The following TOLLIP variants were observed in gnomAD, a reference collection of about 807,000 sequenced individuals.
The protein encoded by TOLLIP is toll interacting protein, also known as toll-interacting protein.
Under a neutral mutation model 33.5 loss-of-function variants are expected in TOLLIP, and 16 were observed. That is an observed-to-expected ratio of 0.48 (90% CI 0.32 to 0.72). TOLLIP has a LOEUF of 0.72. Among genes scored for constraint, TOLLIP ranks in the 30% least tolerant of loss-of-function variants. TOLLIP has a pLI of 0.03. For missense variants in TOLLIP, 325 were observed against 396.6 expected (o/e 0.82, Z 1.53); for synonymous variants, 176 against 163.7 (o/e 1.07, Z -0.57).
At chr11:1,308,314 C>G (rs751224628) in intron 1 of TOLLIP, among the ~76,000 whole-genome samples, 50 of 152,324 alleles carry the variant, frequency 3.3e-4, no homozygotes, top group Middle Eastern at 3.4e-3. Flanking sequence ...TGGCACCTCC[C>G]CACCCCCAAC....
At chr11:1,286,145 G>A (rs1863685656) in intron 4 of TOLLIP, 53 bp from the exon 5 acceptor site, 1 of 1,406,032 alleles carries the variant, frequency 7.1e-7, no homozygotes, top group East Asian at 2.4e-5. Context: ...CCACCCATCA[G>A]AACCTCGGGA....
chr11:1,307,683 G>A (rs1864455065), intron 1 of TOLLIP, among the ~76,000 whole-genome samples: 1 of 152,240 alleles, frequency 6.6e-6, no homozygotes, highest in Non-Finnish European at 1.5e-5. Flanking sequence ...CTCCTGTTAG[G>A]CAGAAAGGAG....
At position 1,290,829 on chromosome 11, in the gene TOLLIP, G is replaced by A. The variant is rs1293939399; in HGVS notation, c.184-420C>T. 5.7e-5 allele frequency: 10 copies of A among 175,162 alleles called. No individual in the cohort carries two copies. Among genetic ancestry groups the A allele is most frequent in the Non-Finnish European group, 1.1e-4 (9 of 81,616 alleles). 10.9% of individuals were successfully genotyped at this position (175,162 alleles called of 1,614,324 possible). On this transcript the variant is annotated intron_variant, in intron 2 of 5. Coordinates refer to ENST00000317204, the MANE Select transcript of TOLLIP (RefSeq NM_019009.4). This position sits in a 1 kb window ranked among gnomAD's most constrained non-coding sequence, Gnocchi z 4.9. ...CTGCCCCCGGAGCATGATGACCCGG[G>A]AGAGGTGCATCCTCGCTCTAGGTGA...
intron 1 of TOLLIP, chr11:1,302,514 G>A (rs5743898): frequency 0.037 from 34,121 of 920,632 alleles, 732 homozygotes; most frequent in African/African-American, 0.093. Context: ...AATTCCCCAT[G>A]CCCACTCAGC....
In TOLLIP at chr11:1,309,491, G is replaced by A. The variant is rs745957373; in HGVS notation, c.8C>T (p.Thr3Ile). 16 of 1,340,248 alleles carry A rather than the reference G, an allele frequency of 1.2e-5. No individual in the cohort carries two copies. The highest frequency in any genetic ancestry group is 1.5e-5 in the African/African-American group (1 of 65,162). 83.0% of individuals were successfully genotyped at this position (1,340,248 alleles called of 1,614,324 possible). The change falls in exon 1 of 6, where the codon ACC becomes ATC. Residue 3 changes from threonine to isoleucine, a missense_variant. Coordinates refer to ENST00000317204, the MANE Select transcript of TOLLIP (RefSeq NM_019009.4). MA[T>I]TVSTQRGPVY... ...CGGCCCGCGCTGAGTGCTGACGGTGGTCGCCATGGTGCTGCGGCGGCCCCC... is the reference window on the plus strand; with the variant it reads ...CGGCCCGCGCTGAGTGCTGACGGTGATCGCCATGGTGCTGCGGCGGCCCCC...
intron 4 of TOLLIP, 72 bp from the exon 5 acceptor site, chr11:1,286,164 C>T (rs1863686515): frequency 1.5e-5 from 18 of 1,220,414 alleles, no homozygotes; most frequent in Non-Finnish European, 2.1e-5. Context: ...GAATCGCCCT[C>T]CCCACAATTG....
intron 4 of TOLLIP, among the ~76,000 whole-genome samples, chr11:1,288,420 A>G (rs1301815407): frequency 1.3e-5 from 2 of 152,200 alleles, no homozygotes; most frequent in Admixed American, 6.5e-5. Flanking sequence ...GACAGAGAAC[A>G]TGGGCAGGAG....
At chr11:1,297,591 G>A (rs978030704) in intron 1 of TOLLIP, among the ~76,000 whole-genome samples, 8 of 152,378 alleles carry the variant, frequency 5.3e-5, no homozygotes, top group Middle Eastern at 3.4e-3. Flanking sequence ...ACTTTACCCC[G>A]TTTTTGACTG....
intron 5 of TOLLIP, among the ~76,000 whole-genome samples, chr11:1,279,195 C>T (rs1047682225): frequency 6.6e-6 from 1 of 152,218 alleles, no homozygotes; most frequent in Admixed American, 6.5e-5. Context: ...GATGTGGCGC[C>T]GACTGGCCCT....
chr11:1,309,444 G>A (rs1387306503), intron 1 of TOLLIP, 22 bp downstream of exon 1: 26 of 1,287,978 alleles, frequency 2.0e-5, no homozygotes, highest in Non-Finnish European at 2.4e-5. Flanking sequence ...GCCCCCGCCC[G>A]ACCCTCGCCC....
chr11:1,305,156 T>C (rs1354022416), intron 1 of TOLLIP, among the ~76,000 whole-genome samples: 1 of 152,220 alleles, frequency 6.6e-6, no homozygotes, highest in Non-Finnish European at 1.5e-5. Context: ...AGTGAAAAGA[T>C]GTGATTTCCA....
intron 2 of TOLLIP, among the ~76,000 whole-genome samples, chr11:1,293,968 C>G (rs1051392767): frequency 6.6e-6 from 1 of 152,266 alleles, no homozygotes; most frequent in African/African-American, 2.4e-5. Context: ...TGTAGCTGTG[C>G]TCACCACACC....
intron 2 of TOLLIP, among the ~76,000 whole-genome samples, chr11:1,293,021 C>G (rs1443046325): frequency 6.6e-6 from 1 of 152,064 alleles, no homozygotes; most frequent in Non-Finnish European, 1.5e-5. Flanking sequence ...CTACTCTGGC[C>G]ACGCTGCAGG....
rs1318162397 is a variant in TOLLIP, at chr11:1,276,719, T to G, written c.*320A>C. ...AGGCGCTCCACCACCTCCAACACCC[T>G]GGCAGAAGCAGCTGCTCTCTACAGC... On this transcript the variant is annotated 3_prime_UTR_variant, in exon 6 of 6. Coordinates refer to ENST00000317204, the MANE Select transcript of TOLLIP (RefSeq NM_019009.4). The G allele has an allele frequency of 7.0e-6, 10 of 1,437,576 alleles. No individual in the cohort carries two copies. Among genetic ancestry groups the G allele is most frequent in the Non-Finnish European group, 9.2e-6 (10 of 1,083,902 alleles). The allele number at this position is 1,437,576 out of a possible 1,614,324, so 89.1% of individuals were successfully genotyped here.
chr11:1,307,629 G>T (rs1259409854), intron 1 of TOLLIP, among the ~76,000 whole-genome samples: 5 of 152,246 alleles, frequency 3.3e-5, no homozygotes, highest in African/African-American at 9.6e-5. Flanking sequence ...CTGCTCTCCA[G>T]GAGGACACAA....
chr11:1,308,718 C>A (rs757013337), intron 1 of TOLLIP, among the ~76,000 whole-genome samples: 2 of 152,260 alleles, frequency 1.3e-5, no homozygotes, highest in Non-Finnish European at 2.9e-5. Context: ...AGGTTTTGCA[C>A]GGTGGCCACT....
intron 1 of TOLLIP, among the ~76,000 whole-genome samples, chr11:1,297,056 A>G (rs1391082415): frequency 6.6e-6 from 1 of 152,034 alleles, no homozygotes; most frequent in African/African-American, 2.4e-5. Context: ...GTGGAGACCC[A>G]GCCGTCTGCA....
intron 1 of TOLLIP, among the ~76,000 whole-genome samples, chr11:1,300,284 C>T (rs1377352189): frequency 1.3e-5 from 2 of 152,082 alleles, no homozygotes; most frequent in Admixed American, 6.6e-5. Flanking sequence ...CCCCATGTGC[C>T]GCTCTCAGAG....
Position 1,277,153 on chromosome 11 carries a change from G to A in TOLLIP, c.711C>T (p.Ile237=), listed in dbSNP as rs1378528584. The part of the protein sequence containing the change: ...PRCSEEDLKA[I]QDMFPNMDQE... The stretch of plus-strand genomic sequence containing the variant: ...GGTCCATGTTGGGGAACATGTCCTG[G>A]ATGGCTTTCAGGTCCTCCTCGCTAC... The change falls in exon 6 of 6, where the codon ATC becomes ATT. Residue 237 remains isoleucine, a synonymous_variant. Coordinates refer to ENST00000317204, the MANE Select transcript of TOLLIP (RefSeq NM_019009.4). The surrounding 1 kb of genome is among the most constrained non-coding windows in gnomAD (Gnocchi z 4.2). 2 of 1,613,570 alleles carry A rather than the reference G, an allele frequency of 1.2e-6. No homozygotes were observed.
Sources: gnomAD v4.1 joint callset for allele counts (sites outside exome capture counted in the v4.1 genomes callset) on GRCh38, gnomAD v4.1.1 for gene constraint, Gnocchi (gnomAD v3.1) non-coding constraint, MANE v1.5 for transcripts, NCBI Gene and HGNC (gene_info 2026-07-23, HGNC 2026-07-21) for gene names.